PRELID2: variants seen among roughly 807,000 people sequenced by gnomAD.
PRELID2 encodes PRELI domain-containing protein 2.
PRELID2 carries 25 observed loss-of-function variants against 28.4 expected under a neutral mutation model. The observed-to-expected ratio is 0.88, with a 90% CI of 0.64 to 1.23. The LOEUF (loss-of-function observed/expected upper bound fraction) is 1.23. Ranked by LOEUF, PRELID2 falls within the 50% of genes most tolerant of loss-of-function variation. The pLI, the probability that PRELID2 is intolerant of heterozygous loss-of-function variation, is 0.00. For synonymous variants in PRELID2, 76 were observed against 71.6 expected, an observed-to-expected ratio of 1.06 and a Z score of -0.31; for missense variants, 201 against 214.4, an observed-to-expected ratio of 0.94 and a Z score of 0.39.
the PRELID2 span, among the ~76,000 whole-genome samples, chr5:145,279,284 T>C: frequency 2.6e-5 from 4 of 152,306 alleles, no homozygotes; most frequent in African/African-American, 9.6e-5. Context: ...CATTGCCAGG[T>C]TTCTTTTCCC....
chr5:145,334,771 G>GT, the PRELID2 span, among the ~76,000 whole-genome samples: 13,637 of 134,926 alleles, frequency 0.1, 942 homozygotes, highest in East Asian at 0.31. Flanking sequence ...TTGTTTGTCA[G>GT]TTTTTTTTTT....
At chr5:145,773,729 C>G (rs1393606848) in intron 5 of PRELID2, among the ~76,000 whole-genome samples, 7 of 152,232 alleles carry the variant, frequency 4.6e-5, no homozygotes, top group African/African-American at 1.4e-4. Flanking sequence ...TATTATTTCC[C>G]CTTTATCAGC....
In PRELID2 at chr5:145,661,511, A is replaced by T. The variant is rs191740010; in HGVS notation, n.70+103420T>A. 1.2e-3 allele frequency among the ~76,000 whole-genome samples: 183 copies of T among 152,158 alleles called. 1 individual carries two copies. The highest frequency in any genetic ancestry group is 4.2e-3 in the African/African-American group (175 of 41,520). ...CTGCTAGGGATGCTGGCTGAGATCC[A>T]CTGCCTGGAAGTATTCAAATAGAAG... On this transcript the variant is annotated intron_variant and non_coding_transcript_variant, in intron 1 of 2. Transcript: ENST00000510259.
the PRELID2 span, among the ~76,000 whole-genome samples, chr5:145,368,120 T>C: frequency 1.3e-5 from 2 of 152,010 alleles, no homozygotes; most frequent in African/African-American, 4.8e-5. Flanking sequence ...TTATTGCCTG[T>C]CTTCCCCAAC....
At chr5:145,682,100 G>T (rs1484370765) in intron 1 of PRELID2, among the ~76,000 whole-genome samples, 1 of 152,090 alleles carries the variant, frequency 6.6e-6, no homozygotes, top group East Asian at 1.9e-4. Flanking sequence ...AAATTATGCA[G>T]GAGTGGTGTT....
intron 1 of PRELID2, among the ~76,000 whole-genome samples, chr5:145,571,990 AAAAG>A (rs60936683): frequency 1.3e-5 from 2 of 151,106 alleles, no homozygotes; most frequent in Admixed American, 6.6e-5. Context: ...TCAAAAAAAA[AAAAG>A]AAAGAAAAAA....
At chr5:145,421,999 T>G in the PRELID2 span, among the ~76,000 whole-genome samples, 2 of 151,102 alleles carry the variant, frequency 1.3e-5, no homozygotes, top group Non-Finnish European at 2.9e-5. Context: ...TACCCAGTAG[T>G]CATTCAGGAG....
intron 3 of PRELID2, 49 bp downstream of exon 3, chr5:145,819,895 TA>T: frequency 8.6e-7 from 1 of 1,156,904 alleles, no homozygotes; most frequent in Non-Finnish European, 1.3e-6. Context: ...TCATGACTAT[TA>T]AAAATTACTC....
At chr5:145,470,343 T>G (rs1466990930), downstream of PRELID2, among the ~76,000 whole-genome samples, 1 of 152,154 alleles carries the variant, frequency 6.6e-6, no homozygotes, top group Non-Finnish European at 1.5e-5. Context: ...TTCAAACTCA[T>G]GCTAACAGGA....
At chr5:145,234,138 T>C in the PRELID2 span, among the ~76,000 whole-genome samples, 22 of 152,330 alleles carry the variant, frequency 1.4e-4, no homozygotes, top group Non-Finnish European at 2.6e-4. Context: ...TATGGCCTTC[T>C]GAAATCTGCT....
chr5:145,382,191 A>C, the PRELID2 span, among the ~76,000 whole-genome samples: 2 of 152,012 alleles, frequency 1.3e-5, no homozygotes, highest in African/African-American at 4.8e-5. Context: ...TTGAAGACAG[A>C]GCAATAAAAA....
the PRELID2 span, among the ~76,000 whole-genome samples, chr5:145,240,202 G>T: frequency 2.6e-5 from 4 of 151,848 alleles, no homozygotes; most frequent in Admixed American, 2.0e-4. Flanking sequence ...TTGAGCAAAT[G>T]TATTTTCTTT....
chr5:145,704,635 T>C (rs1426769549), intron 1 of PRELID2, among the ~76,000 whole-genome samples: 1 of 152,198 alleles, frequency 6.6e-6, no homozygotes, highest in African/African-American at 2.4e-5. Flanking sequence ...TGTCCCCCAG[T>C]GTATAGAGGA....
the PRELID2 span, among the ~76,000 whole-genome samples, chr5:145,354,118 C>T: frequency 6.6e-6 from 1 of 152,166 alleles, no homozygotes; most frequent in Non-Finnish European, 1.5e-5. Context: ...CAAACACTCA[C>T]TCGATCTTAG....
At chr5:145,474,216 C>A (rs954444723) in intron 1 of PRELID2, among the ~76,000 whole-genome samples, 1 of 152,162 alleles carries the variant, frequency 6.6e-6, no homozygotes, top group Non-Finnish European at 1.5e-5. Flanking sequence ...CCAGAAAGAA[C>A]AATGTAGAAT....
chr5:145,386,241 C>T, the PRELID2 span, among the ~76,000 whole-genome samples: 1 of 151,938 alleles, frequency 6.6e-6, no homozygotes, highest in Admixed American at 6.6e-5. Flanking sequence ...TGAGAACTCA[C>T]CCACTCTCAT....
At chr5:145,373,011 ATATAT>A in the PRELID2 span, among the ~76,000 whole-genome samples, 1 of 119,388 alleles carries the variant, frequency 8.4e-6, no homozygotes, top group African/African-American at 3.3e-5. Flanking sequence ...TATATAATAT[ATATAT>A]TATATTACAA....
chr5:145,679,818 T>C (rs1329678420), intron 1 of PRELID2, among the ~76,000 whole-genome samples: 1 of 148,994 alleles, frequency 6.7e-6, no homozygotes, highest in African/African-American at 2.4e-5. Context: ...TAAATATATA[T>C]ATATATATTT....
chr5:145,755,687 C>T (rs1007255777), downstream of PRELID2, among the ~76,000 whole-genome samples: 3 of 152,146 alleles, frequency 2.0e-5, no homozygotes, highest in African/African-American at 4.8e-5. Context: ...ATCCCATTTT[C>T]CTATGAACTT....
Sources: gnomAD v4.1 joint callset for allele counts (sites outside exome capture counted in the v4.1 genomes callset) on GRCh38, gnomAD v4.1.1 for gene constraint, MANE v1.5 for transcripts, NCBI Gene and HGNC (gene_info 2026-07-23, HGNC 2026-07-21) for gene names.